Variants in GAB2 observed in about 807,000 individuals in gnomAD.
GAB2 encodes the protein GRB2 associated binding protein 2.
In GAB2, 26 loss-of-function variants were observed where a neutral mutation model predicts 65.5. The observed-to-expected ratio is 0.40, with a 90% CI of 0.29 to 0.55. GAB2 has a LOEUF of 0.55. GAB2 is among the 20% of genes least tolerant of loss of function. GAB2 has a pLI of 0.53. For missense variants in GAB2, 884 were observed against 875.8 expected, an observed-to-expected ratio of 1.01 and a Z score of -0.12; for synonymous variants, 321 against 329.6, an observed-to-expected ratio of 0.97 and a Z score of 0.28.
rs370049572 is a variant in GAB2 at position 78,376,726 on chromosome 11, G to A, written c.75+40920C>T. Among the ~76,000 whole-genome samples, 11 of 152,208 alleles carry A rather than the reference G, an allele frequency of 7.2e-5. No individual in the cohort carries two copies. The South Asian group carries it at 2.1e-3, about 29-fold the overall frequency. On this transcript the variant is annotated intron_variant, in intron 1 of 9. Coordinates refer to ENST00000361507, the MANE Select transcript of GAB2 (RefSeq NM_080491.3). ...GGCTCATGATGAGGGAGAGTTGGAGGGGGGCACCGAGACTGTGACTAGGGA... is the reference window on the plus strand; with the variant it reads ...GGCTCATGATGAGGGAGAGTTGGAGAGGGGCACCGAGACTGTGACTAGGGA...
Position 78,216,576 on chromosome 11 carries a change from C to T in GAB2, c.*2696G>A, listed in dbSNP as rs1864157031. On this transcript the variant is annotated 3_prime_UTR_variant, in exon 10 of 10. Transcript: ENST00000361507. ...TGCACCCGAGGGATTTTGGTAGTTACCAGAATAGGGGGCTGGAAGGAAGCC... is the reference window on the plus strand; with the variant it reads ...TGCACCCGAGGGATTTTGGTAGTTATCAGAATAGGGGGCTGGAAGGAAGCC... 6.7e-6 allele frequency: 1 copy of T among 149,364 alleles called. No individual in the cohort carries two copies. The highest frequency in any genetic ancestry group is 2.6e-5 in the African/African-American group (1 of 39,060). The allele number at this position is 149,364 out of a possible 1,614,324, so 9.3% of individuals were successfully genotyped here. A position where few individuals can be genotyped will look rare whatever the true frequency, so the allele number is the denominator to read the frequency against.
chr11:78,274,899 G>A (rs1157265842), intron 2 of GAB2, among the ~76,000 whole-genome samples: 1 of 152,202 alleles, frequency 6.6e-6, no homozygotes, highest in African/African-American at 2.4e-5. Flanking sequence ...ATAATGCAAA[G>A]TCAGGCCTGG....
intron 3 of GAB2, among the ~76,000 whole-genome samples, chr11:78,248,375 C>T (rs2134518898): frequency 6.6e-6 from 1 of 152,288 alleles, no homozygotes; most frequent in African/African-American, 2.4e-5. Context: ...TTAGTGTGAG[C>T]TGTAGACAAT....
chr11:78,239,277 A>G (rs1049402113), intron 3 of GAB2, among the ~76,000 whole-genome samples: 4 of 152,094 alleles, frequency 2.6e-5, no homozygotes, highest in African/African-American at 9.7e-5. Flanking sequence ...CTGGAGTACA[A>G]TGGCGTGATC....
intron 1 of GAB2, among the ~76,000 whole-genome samples, chr11:78,356,147 T>C (rs1003268013): frequency 1.4e-5 from 2 of 143,836 alleles, no homozygotes; most frequent in Admixed American, 1.5e-4. Flanking sequence ...CACTCTAGCC[T>C]GGGTGAAAGA....
intron 1 of GAB2, among the ~76,000 whole-genome samples, chr11:78,319,753 T>C (rs1008703181): frequency 1.3e-5 from 2 of 152,238 alleles, no homozygotes; most frequent in Admixed American, 1.3e-4. Flanking sequence ...AACTTACACA[T>C]TTATTATTCT....
chr11:78,284,173 T>A (rs1307644263), intron 1 of GAB2, among the ~76,000 whole-genome samples: 1 of 152,148 alleles, frequency 6.6e-6, no homozygotes, highest in Non-Finnish European at 1.5e-5. Context: ...ATACTCTACA[T>A]CTAACCCAAA....
Position 78,220,401 on chromosome 11 carries a change from C to T in GAB2, c.1805G>A (p.Ser602Asn). 1 of 1,599,254 alleles carries T rather than the reference C, an allele frequency of 6.3e-7. No individual in the cohort carries two copies. The highest frequency in any genetic ancestry group is 8.6e-7 in the Non-Finnish European group (1 of 1,168,578). ...SASPVPSGTN[S>N]PAPKKSTGSV... ...GCCGGTGCTCTTCTTAGGGGCAGGACTGTTCGTGCCACTGGGAACGGGAGA... is the reference window on the plus strand; with the variant it reads ...GCCGGTGCTCTTCTTAGGGGCAGGATTGTTCGTGCCACTGGGAACGGGAGA... Residue 602 changes from serine (S) to asparagine (N), a missense_variant, in exon 9 of 10, where the codon AGT becomes AAT. Ser to Asn is a conservative substitution (Grantham distance 46). Coordinates refer to ENST00000361507, the MANE Select transcript of GAB2 (RefSeq NM_080491.3).
chr11:78,417,722 C>T lies in GAB2; in HGVS notation c.-2G>A, dbSNP rs1164457705. The stretch of plus-strand genomic sequence containing the variant: ...CACCACGTCGCCGCCGCCGCTCATG[C>T]TGCCGGCCTGGAGCCCCCCGCCGGG... On this transcript the variant is annotated 5_prime_UTR_variant, in exon 1 of 10. Coordinates refer to ENST00000361507, the MANE Select transcript of GAB2 (RefSeq NM_080491.3). 3 of 1,321,112 alleles carry T rather than the reference C, an allele frequency of 2.3e-6. No homozygotes were observed. Among genetic ancestry groups the T allele is most frequent in the East Asian group, 8.1e-5 (2 of 24,574 alleles). The allele number at this position is 1,321,112 out of a possible 1,614,324, so 81.8% of individuals were successfully genotyped here.
chr11:78,219,490 G>T, intron 9 of GAB2, 75 bp from the exon 10 acceptor site: 2 of 1,373,190 alleles, frequency 1.5e-6, no homozygotes, highest in Non-Finnish European at 1.0e-6. Context: ...GTGGGCACGG[G>T]ATCTTCCTGA....
chr11:78,241,087 G>GA (rs1865121249), intron 3 of GAB2, among the ~76,000 whole-genome samples: 1 of 152,212 alleles, frequency 6.6e-6, no homozygotes, highest in South Asian at 2.1e-4. Context: ...AATGAGAAGA[G>GA]AAAGACCCAA....
At chr11:78,281,007 G>C in intron 1 of GAB2, 106 bp from the exon 2 acceptor site, 1 of 864,564 alleles carries the variant, frequency 1.2e-6, no homozygotes, top group Admixed American at 2.4e-5. Flanking sequence ...AGGCTGGAGT[G>C]CAGTGGCACA....
chr11:78,354,232 T>C (rs1159448163), intron 1 of GAB2, among the ~76,000 whole-genome samples: 1 of 152,200 alleles, frequency 6.6e-6, no homozygotes, highest in Non-Finnish European at 1.5e-5. Context: ...AATCATCAGG[T>C]GGCAGGCTGT....
At chr11:78,367,958 C>G (rs933298021) in intron 1 of GAB2, among the ~76,000 whole-genome samples, 1 of 151,296 alleles carries the variant, frequency 6.6e-6, no homozygotes, top group Non-Finnish European at 1.5e-5. Context: ...CTGGGACTAC[C>G]GGCACCCGCC....
At chr11:78,228,091 G>A (rs1011386275) in intron 3 of GAB2, among the ~76,000 whole-genome samples, 20 of 152,214 alleles carry the variant, frequency 1.3e-4, no homozygotes, top group Non-Finnish European at 1.0e-4. Flanking sequence ...CTACTGATAC[G>A]TGCTGTGTGT....
At chr11:78,308,315 C>T (rs1401284873) in intron 1 of GAB2, among the ~76,000 whole-genome samples, 5 of 152,002 alleles carry the variant, frequency 3.3e-5, no homozygotes, top group Non-Finnish European at 7.4e-5. Context: ...TGCAGTAAGC[C>T]GTGACTGCAA....
intron 2 of GAB2, among the ~76,000 whole-genome samples, chr11:78,278,682 T>G (rs1160054187): frequency 6.6e-6 from 1 of 151,538 alleles, no homozygotes; most frequent in East Asian, 1.9e-4. Context: ...CCCAGCTCCC[T>G]GGCCTTTTAA....
chr11:78,383,734 G>T (rs1856728676), intron 1 of GAB2, among the ~76,000 whole-genome samples: 1 of 152,082 alleles, frequency 6.6e-6, no homozygotes. Flanking sequence ...CTCCAGTCTG[G>T]GCAACAGAGC....
intron 3 of GAB2, among the ~76,000 whole-genome samples, chr11:78,230,247 C>T (rs1864802055): frequency 6.6e-6 from 1 of 152,228 alleles, no homozygotes; most frequent in African/African-American, 2.4e-5. Flanking sequence ...CTGTAGAACC[C>T]ACTAGCTTAC....
Sources: allele counts gnomAD v4.1 joint callset (sites outside exome capture counted in the v4.1 genomes callset), GRCh38; gene constraint gnomAD v4.1.1; transcripts MANE v1.5; gene names NCBI Gene and HGNC (gene_info 2026-07-23, HGNC 2026-07-21).